The following DMXL1 variants were observed in gnomAD, a reference collection of about 807,000 sequenced individuals.
DMXL1 encodes Dmx like 1, also known as dmX-like protein 1.
In DMXL1, 99 loss-of-function variants were observed where a neutral mutation model predicts 319.2. The observed-to-expected ratio is 0.31, with a 90% confidence interval of 0.26 to 0.37. DMXL1 has a LOEUF of 0.37. Among genes scored for constraint, DMXL1 ranks in the 10% least tolerant of loss-of-function variants. DMXL1 has a pLI of 1.00. For synonymous variants in DMXL1, 1,385 were observed against 1,235.2 expected, an observed-to-expected ratio of 1.12 and a Z score of -2.54; for missense variants, 3,745 against 3,595.6, an observed-to-expected ratio of 1.04 and a Z score of -1.06.
chr5:119,132,838 A>C (rs1765230842), intron 10 of DMXL1: 3 of 559,264 alleles, frequency 5.4e-6, no homozygotes, highest in Non-Finnish European at 1.0e-5. Flanking sequence ...TTGAAAGTCC[A>C]AGTTTTCTCC....
At chr5:119,222,722 T>G (rs1784854798) in intron 37 of DMXL1, among the ~76,000 whole-genome samples, 1 of 152,136 alleles carries the variant, frequency 6.6e-6, no homozygotes, top group African/African-American at 2.4e-5. Context: ...AAATAACAAG[T>G]CATTAATAGG....
intron 38 of DMXL1, among the ~76,000 whole-genome samples, chr5:119,231,556 G>T (rs555501587): frequency 4.6e-5 from 7 of 152,286 alleles, no homozygotes; most frequent in African/African-American, 1.7e-4. Flanking sequence ...TGCTCCTGGA[G>T]GTCATCATCA....
At chr5:119,168,205 A>G (rs1773826918) in intron 23 of DMXL1, among the ~76,000 whole-genome samples, 1 of 152,214 alleles carries the variant, frequency 6.6e-6, no homozygotes, top group Non-Finnish European at 1.5e-5. Context: ...TAGAATTCTT[A>G]CAGTGAAAAA....
At chr5:119,143,468 TG>T (rs1212452023) in intron 13 of DMXL1, among the ~76,000 whole-genome samples, 1 of 152,010 alleles carries the variant, frequency 6.6e-6, no homozygotes, top group African/African-American at 2.4e-5. Context: ...TCAGCATATT[TG>T]AATAGTATGT....
chr5:119,247,272 A>G lies in DMXL1; in HGVS notation c.*53A>G. On this transcript the variant is annotated 3_prime_UTR_variant, in exon 44 of 44. Transcript: ENST00000539542. ...TTACCTATATGGAAGTGGCCAACAGATATAATATACAGTGATCATTCTCTA... is the reference window on the plus strand; with the variant it reads ...TTACCTATATGGAAGTGGCCAACAGGTATAATATACAGTGATCATTCTCTA... The G allele has an allele frequency of 7.9e-7, 1 of 1,261,244 alleles. No individual in the cohort carries two copies. The highest frequency in any genetic ancestry group is 1.1e-6 in the Non-Finnish European group (1 of 883,334). 78.1% of individuals were successfully genotyped at this position (1,261,244 alleles called of 1,614,324 possible). A position where few individuals can be genotyped will look rare whatever the true frequency, so the allele number is the denominator to read the frequency against.
At chr5:119,140,677 A>C (rs1393914849) in intron 13 of DMXL1, among the ~76,000 whole-genome samples, 1 of 152,172 alleles carries the variant, frequency 6.6e-6, no homozygotes, top group Non-Finnish European at 1.5e-5. Context: ...CACCAGATGC[A>C]CAAAGAAGAG....
intron 13 of DMXL1, among the ~76,000 whole-genome samples, chr5:119,135,532 G>C (rs1765798460): frequency 6.6e-6 from 1 of 152,168 alleles, no homozygotes; most frequent in Admixed American, 6.5e-5. Context: ...TATGTGATAA[G>C]GTTTGGCTCT....
chr5:119,147,446 A>G lies in DMXL1; in HGVS notation c.2887A>G (p.Ile963Val). Residue 963 changes from isoleucine to valine, a missense_variant, in exon 17 of 44, where the codon ATA (isoleucine) becomes GTA (valine). This residue lies in a region of DMXL1 where 2,096 missense variants were observed against 1,985.4 expected (regional missense o/e 1.06). Transcript: ENST00000539542. ...QELHLPEGVE[I>V]ISIKPSAGHL... ...ATTGCATTTACCAGAAGGAGTTGAG[A>G]TAATAAGTATTAAGCCATCAGCAGG... The G allele has an allele frequency of 1.2e-6, 2 of 1,613,338 alleles. No homozygotes were observed. The highest frequency in any genetic ancestry group is 1.7e-6 in the Non-Finnish European group (2 of 1,179,514).
chr5:119,194,370 T>A (rs1006620835), intron 30 of DMXL1, among the ~76,000 whole-genome samples: 1 of 152,244 alleles, frequency 6.6e-6, no homozygotes, highest in Non-Finnish European at 1.5e-5. Context: ...ACACTAGTAC[T>A]ATAAGATGTC....
intron 38 of DMXL1, among the ~76,000 whole-genome samples, chr5:119,230,497 C>T (rs550137242): frequency 1.3e-5 from 2 of 152,292 alleles, no homozygotes; most frequent in South Asian, 4.1e-4. Flanking sequence ...TAAAGTCATA[C>T]ACAAACATAC....
At chr5:119,219,552 A>AT (rs1561902573) in intron 35 of DMXL1, among the ~76,000 whole-genome samples, 9 of 148,218 alleles carry the variant, frequency 6.1e-5, no homozygotes, top group African/African-American at 2.4e-4. Context: ...AAAGATACAC[A>AT]TTTAATTAAT....
rs936535425 is a variant in DMXL1, at chr5:119,133,061, G to T, written c.1316-71G>T. On this transcript the variant is annotated intron_variant, in intron 10 of 43. Coordinates refer to ENST00000539542, the MANE Select transcript of DMXL1 (RefSeq NM_001290321.3). Reference sequence around the variant, plus strand: ...TCTCCATGTGTTCAGCTATCCAGAAGCTCGGTAATTCTTAATTTATAGTAA... The same window carrying T: ...TCTCCATGTGTTCAGCTATCCAGAATCTCGGTAATTCTTAATTTATAGTAA... 3 of 1,541,280 alleles carry T rather than the reference G, an allele frequency of 1.9e-6. No individual in the cohort carries two copies. The African/African-American group carries it at 4.1e-5, about 21-fold the overall frequency.
intron 30 of DMXL1, 143 bp from the exon 31 acceptor site, chr5:119,196,228 C>T (rs1779597883): frequency 1.5e-6 from 1 of 650,110 alleles, no homozygotes; most frequent in Admixed American, 2.5e-5. Context: ...ACATGACTAC[C>T]TCTATGCATA....
chr5:119,164,551 G>A lies in DMXL1; in HGVS notation c.4747G>A (p.Glu1583Lys), dbSNP rs1417019204. Residue 1583 changes from glutamate to lysine, a missense_variant, in exon 20 of 44, where the codon GAA becomes AAA. Glu to Lys is a moderately conservative substitution (Grantham distance 56). Coordinates refer to ENST00000539542, the MANE Select transcript of DMXL1 (RefSeq NM_001290321.3). ...HFAWAFHSVAEEELLNMLPAM... is the reference protein window; with the variant it reads ...HFAWAFHSVAKEELLNMLPAM... ...TGCTTGGGCATTTCACTCAGTAGCAGAAGAAGAACTGCTGAACATGTTGCC... is the reference window on the plus strand; with the variant it reads ...TGCTTGGGCATTTCACTCAGTAGCAAAAGAAGAACTGCTGAACATGTTGCC... The A allele has an allele frequency of 6.2e-7, 1 of 1,614,110 alleles. No individual in the cohort carries two copies. Among genetic ancestry groups the A allele is most frequent in the African/African-American group, 1.3e-5 (1 of 75,058 alleles).
chr5:119,099,251 C>T (rs1487246615), intron 2 of DMXL1, among the ~76,000 whole-genome samples: 2 of 151,560 alleles, frequency 1.3e-5, no homozygotes, highest in African/African-American at 4.9e-5. Flanking sequence ...CGCTTTGTTG[C>T]CCAGGCTGGA....
intron 29 of DMXL1, among the ~76,000 whole-genome samples, chr5:119,191,544 TTGCTGGATATAGGATTGTTGGTTAGCA>T (rs1170965892): frequency 9.2e-5 from 14 of 152,360 alleles, no homozygotes; most frequent in African/African-American, 3.4e-4. Flanking sequence ...AAGGAGAGTT[TTGCTGGATATAGGATTGTTGGTTAGCA>T]AGGCCTTCTT....
intron 9 of DMXL1, among the ~76,000 whole-genome samples, chr5:119,123,361 AGAG>A (rs1415047060): frequency 6.5e-5 from 6 of 92,072 alleles, no homozygotes; most frequent in Non-Finnish European, 8.7e-5. Flanking sequence ...AGGGAGAGGG[AGAG>A]GAGGGAGAGG....
At chr5:119,122,094 C>A (rs1762230458) in intron 9 of DMXL1, among the ~76,000 whole-genome samples, 1 of 141,206 alleles carries the variant, frequency 7.1e-6, no homozygotes, top group African/African-American at 2.6e-5. Flanking sequence ...GGGGCTGACC[C>A]CCCCACCTCC....
At chr5:119,112,777 C>T (rs1399032577) in intron 5 of DMXL1, among the ~76,000 whole-genome samples, 7 of 151,838 alleles carry the variant, frequency 4.6e-5, no homozygotes, top group African/African-American at 7.3e-5. Flanking sequence ...GCCACCATGG[C>T]GAAACCCCGT....
Sources: gnomAD v4.1 joint callset for allele counts (sites outside exome capture counted in the v4.1 genomes callset) on GRCh38, gnomAD v4.1.1 for gene constraint, gnomAD v4.1.1 regional missense constraint, MANE v1.5 for transcripts, NCBI Gene and HGNC (gene_info 2026-07-23, HGNC 2026-07-21) for gene names.